RAB21: variants seen among roughly 807,000 people sequenced by gnomAD.
RAB21 encodes the protein RAB21, member RAS oncogene family, also known as ras-related protein Rab-21.
RAB21 carries 13 observed loss-of-function variants against 33.1 expected under a neutral mutation model. The observed-to-expected ratio is 0.39, with a 90% CI of 0.26 to 0.62. RAB21 has a LOEUF of 0.62. RAB21 is among the 20% of genes least tolerant of loss of function. The pLI is 0.48. For missense variants in RAB21, 234 were observed against 279.1 expected, an observed-to-expected ratio of 0.84 and a Z score of 1.15; for synonymous variants, 91 against 103.7, an observed-to-expected ratio of 0.88 and a Z score of 0.74.
intron 1 of RAB21, among the ~76,000 whole-genome samples, chr12:71,769,472 CTCTT>C (rs572391635): frequency 4.2e-4 from 64 of 152,246 alleles, no homozygotes; most frequent in African/African-American, 1.3e-3. Flanking sequence ...ATCTCTTAGA[CTCTT>C]TCTTTCTGTG....
intron 1 of RAB21, among the ~76,000 whole-genome samples, chr12:71,757,168 C>G (rs1036168339): frequency 6.6e-6 from 1 of 152,072 alleles, no homozygotes; most frequent in Non-Finnish European, 1.5e-5. Flanking sequence ...GGCTGAAGTG[C>G]AGCAATTTCC....
chr12:71,782,685 T>A lies in RAB21; in HGVS notation c.535+27T>A, dbSNP rs1883219872. The A allele has an allele frequency of 2.0e-6, 3 of 1,469,042 alleles. No individual in the cohort carries two copies. In the East Asian group the frequency reaches 6.9e-5, roughly 34 times the overall value. The allele number at this position is 1,469,042 out of a possible 1,614,324, so 91.0% of individuals were successfully genotyped here. On this transcript the variant is annotated intron_variant, in intron 6 of 6. Coordinates refer to ENST00000261263, the MANE Select transcript of RAB21 (RefSeq NM_014999.4). ...TAGGTATATTCAGATTTAGTTTGTT[T>A]AGAAATGGTTTTTGGTTTTTATTTT... is the stretch of plus-strand genomic sequence containing the variant.
intron 1 of RAB21, among the ~76,000 whole-genome samples, chr12:71,761,694 AAAAT>A (rs916968366): frequency 1.3e-5 from 2 of 152,154 alleles, no homozygotes; most frequent in Admixed American, 1.3e-4. Flanking sequence ...ATAAAAATAA[AAAAT>A]AAATAAATTT....
chr12:71,792,705 T>G lies in RAB21; in HGVS notation c.*7032T>G. 1 of 152,242 alleles carries G rather than the reference T, an allele frequency of 6.6e-6. No individual in the cohort carries two copies. The highest frequency in any genetic ancestry group is 1.5e-5 in the Non-Finnish European group (1 of 68,038). The allele number at this position is 152,242 out of a possible 1,614,324, so 9.4% of individuals were successfully genotyped here. On this transcript the variant is annotated 3_prime_UTR_variant, in exon 7 of 7. Coordinates refer to ENST00000261263, the MANE Select transcript of RAB21 (RefSeq NM_014999.4). ...TGTTGAGTGCCTTCTGTATGCCCAG[T>G]GCACAAACTGCTATGTGCCCAGTGT...
intron 6 of RAB21, among the ~76,000 whole-genome samples, chr12:71,783,556 CT>C (rs1460405915): frequency 2.0e-5 from 3 of 152,004 alleles, no homozygotes; most frequent in Non-Finnish European, 2.9e-5. Flanking sequence ...GTGATGTCCC[CT>C]GATCAGCAGC....
At chr12:71,767,372 A>G (rs942974652) in intron 1 of RAB21, among the ~76,000 whole-genome samples, 1 of 152,108 alleles carries the variant, frequency 6.6e-6, no homozygotes. Context: ...AGAAATCTCC[A>G]CAACACTCAT....
chr12:71,761,966 A>G (rs982270277), intron 1 of RAB21, among the ~76,000 whole-genome samples: 8 of 152,192 alleles, frequency 5.3e-5, no homozygotes, highest in Non-Finnish European at 1.0e-4. Flanking sequence ...TGAAAACCAT[A>G]TTACTGTTAA....
At position 71,785,899 on chromosome 12, in the gene RAB21, T is replaced by TG. The variant is rs1474793423; in HGVS notation, c.*227dup. On this transcript the variant is annotated 3_prime_UTR_variant, in exon 7 of 7. Coordinates refer to ENST00000261263, the MANE Select transcript of RAB21 (RefSeq NM_014999.4). ...CAAATGTTTTTTTTTGTTTTTTTTT[T>TG]GTTTTTTTTTGTTTTTTTTTGAGAC... 1.4e-5 allele frequency: 6 copies of TG among 427,864 alleles called. No individual in the cohort carries two copies. The highest frequency in any genetic ancestry group is 4.9e-5 in the East Asian group (1 of 20,456). The allele number at this position is 427,864 out of a possible 1,614,324, so 26.5% of individuals were successfully genotyped here.
intron 2 of RAB21, among the ~76,000 whole-genome samples, chr12:71,770,236 C>G (rs1410345883): frequency 6.6e-6 from 1 of 152,088 alleles, no homozygotes; most frequent in South Asian, 2.1e-4. Flanking sequence ...CCTGTCTCTC[C>G]CAGTGTGGGA....
At chr12:71,778,877 T>C (rs1260021348) in intron 4 of RAB21, among the ~76,000 whole-genome samples, 1 of 152,170 alleles carries the variant, frequency 6.6e-6, no homozygotes, top group Non-Finnish European at 1.5e-5. Flanking sequence ...GCGTGGTGGC[T>C]CACCCCTGTA....
intron 4 of RAB21, among the ~76,000 whole-genome samples, chr12:71,775,922 T>C (rs1414106372): frequency 6.6e-6 from 1 of 152,072 alleles, no homozygotes; most frequent in Non-Finnish European, 1.5e-5. Context: ...GGGGCAAGTC[T>C]TGGGGGAAAA....
chr12:71,761,412 C>A (rs927230190), intron 1 of RAB21, among the ~76,000 whole-genome samples: 1 of 152,084 alleles, frequency 6.6e-6, no homozygotes, highest in Non-Finnish European at 1.5e-5. Flanking sequence ...GGCATGGTGG[C>A]TCACACCTGT....
chr12:71,768,300 T>A (rs1882990161), intron 1 of RAB21, among the ~76,000 whole-genome samples: 1 of 152,146 alleles, frequency 6.6e-6, no homozygotes, highest in South Asian at 2.1e-4. Context: ...TTCCTGAAAT[T>A]GAGGTAAAAG....
intron 1 of RAB21, among the ~76,000 whole-genome samples, chr12:71,769,374 G>A (rs919363661): frequency 6.6e-6 from 1 of 152,194 alleles, no homozygotes; most frequent in East Asian, 1.9e-4. Context: ...AAACAATTGA[G>A]TTATGAAGTA....
chr12:71,779,502 A>G (rs987539283), intron 4 of RAB21, among the ~76,000 whole-genome samples: 1 of 151,400 alleles, frequency 6.6e-6, no homozygotes, highest in Non-Finnish European at 1.5e-5. Context: ...GTAAGCAAGG[A>G]CTTAAAAACA....
At position 71,793,187 on chromosome 12, in the gene RAB21, A is replaced by T. The variant is rs1446859452; in HGVS notation, c.*7514A>T. ...GTTTTGCGGTGATTTTTTTTAACCT[A>T]GAAAAAATACAATTTAAAAAGCAAT... On this transcript the variant is annotated 3_prime_UTR_variant, in exon 7 of 7. Transcript: ENST00000261263. 1 of 152,172 alleles carries T rather than the reference A, an allele frequency of 6.6e-6. No homozygotes were observed. Among genetic ancestry groups the T allele is most frequent in the East Asian group, 1.9e-4 (1 of 5,196 alleles). The allele number at this position is 152,172 out of a possible 1,614,324, so 9.4% of individuals were successfully genotyped here. A position where few individuals can be genotyped will look rare whatever the true frequency, so the allele number is the denominator to read the frequency against.
chr12:71,758,989 T>G (rs1051547722), intron 1 of RAB21, among the ~76,000 whole-genome samples: 31 of 152,338 alleles, frequency 2.0e-4, no homozygotes, highest in African/African-American at 7.5e-4. Flanking sequence ...GAATTTCTCT[T>G]TGATAAATAT....
rs1565896269 is a variant in RAB21 at position 71,785,879 on chromosome 12, G to GTTTTTTTTGT, written c.*214_*215insGTTTTTTTTT. The GTTTTTTTTGT allele has an allele frequency of 3.7e-4, 147 of 398,302 alleles. No homozygotes were observed. The highest frequency in any genetic ancestry group is 2.4e-3 in the African/African-American group (107 of 43,742). 24.7% of individuals were successfully genotyped at this position (398,302 alleles called of 1,614,324 possible). ...CAGAGAATTGGCATTTTCTACAAAT[G>GTTTTTTTTGT]TTTTTTTTTGTTTTTTTTTTGTTTT... On this transcript the variant is annotated 3_prime_UTR_variant, in exon 7 of 7. Transcript: ENST00000261263.
At position 71,770,600 on chromosome 12, in the gene RAB21, A is replaced by G; in HGVS notation, c.228A>G (p.Ala76=). 6.3e-7 allele frequency: 1 copy of G among 1,593,950 alleles called. No individual in the cohort carries two copies. The highest frequency in any genetic ancestry group is 8.6e-7 in the Non-Finnish European group (1 of 1,162,456). ...TTTGTTGCTTTCTTTAGGATACGGC[A>G]GGTCAAGAGAGATTCCATGCATTGG... ...KRVNLAIWDT[A]GQERFHALGP... The change falls in exon 3 of 7, where the codon GCA becomes GCG. Residue 76 remains alanine (A), a synonymous_variant. Coordinates refer to ENST00000261263, the MANE Select transcript of RAB21 (RefSeq NM_014999.4).
Sources: gnomAD v4.1 joint callset for allele counts (sites outside exome capture counted in the v4.1 genomes callset) on GRCh38, gnomAD v4.1.1 for gene constraint, MANE v1.5 for transcripts, NCBI Gene and HGNC (gene_info 2026-07-23, HGNC 2026-07-21) for gene names.